The following DLGAP1 variants were observed in gnomAD, a reference collection of about 807,000 sequenced individuals.
DLGAP1 encodes DLG associated protein 1.
A neutral mutation model predicts 90.8 loss-of-function variants in DLGAP1; 11 were observed. The observed-to-expected ratio is 0.12, with a 90% confidence interval of 0.08 to 0.20. The LOEUF (loss-of-function observed/expected upper bound fraction) is 0.20, where lower values mean the gene tolerates loss of function less well. DLGAP1 is among the 10% of genes least tolerant of loss of function. DLGAP1 has a pLI of 1.00. For missense variants in DLGAP1, 1,050 were observed against 1,333.8 expected, an observed-to-expected ratio of 0.79 and a Z score of 3.31; for synonymous variants, 558 against 540.7, an observed-to-expected ratio of 1.03 and a Z score of -0.44.
chr18:3,578,231 A>G (rs1414165423), intron 8 of DLGAP1, among the ~76,000 whole-genome samples: 3 of 152,208 alleles, frequency 2.0e-5, no homozygotes, highest in Non-Finnish European at 4.4e-5. Flanking sequence ...TTGGTAAAGG[A>G]TTGGAAACTC....
intron 9 of DLGAP1, among the ~76,000 whole-genome samples, chr18:3,545,728 T>C (rs891839292): frequency 1.3e-5 from 2 of 151,536 alleles, no homozygotes; most frequent in Non-Finnish European, 2.9e-5. Flanking sequence ...CTAAAATAAA[T>C]AAAAATAGAG....
chr18:3,639,336 A>G (rs2058836655), intron 7 of DLGAP1, among the ~76,000 whole-genome samples: 1 of 144,876 alleles, frequency 6.9e-6, no homozygotes, highest in Admixed American at 6.8e-5. Context: ...AGCCTGGGCA[A>G]CAGCGAGACT....
chr18:3,550,350 C>G (rs570623308), intron 9 of DLGAP1, among the ~76,000 whole-genome samples: 1 of 152,244 alleles, frequency 6.6e-6, no homozygotes, highest in Admixed American at 6.5e-5. Context: ...CTCAGCCTCC[C>G]GAGTAGCTGG....
intron 3 of DLGAP1, among the ~76,000 whole-genome samples, chr18:3,886,311 A>G (rs1011909941): frequency 1.3e-5 from 2 of 152,136 alleles, no homozygotes; most frequent in Non-Finnish European, 2.9e-5. Flanking sequence ...AGTCATGTAT[A>G]TATTTCTGGG....
intron 1 of DLGAP1, among the ~76,000 whole-genome samples, chr18:4,415,539 A>G (rs573524661): frequency 3.3e-5 from 5 of 152,332 alleles, no homozygotes; most frequent in African/African-American, 1.2e-4. Context: ...GCCTTTTAAC[A>G]GTAGATTCAG....
Position 3,507,790 on chromosome 18 carries a change from G to C in DLGAP1, c.2571+780C>G, listed in dbSNP as rs1476208703. ...AAGTCTCACTCTGTCCCCCAAACTA[G>C]AGTGCAATGAACCTCAGCTCGCTGC... On this transcript the variant is annotated intron_variant, in intron 11 of 12. Coordinates refer to ENST00000315677, the MANE Select transcript of DLGAP1 (RefSeq NM_004746.4). Among the ~76,000 whole-genome samples the C allele has an allele frequency of 3.5e-5, 4 of 113,976 alleles. No homozygotes were observed. The East Asian group carries it at 9.3e-4, about 26-fold the overall frequency. 74.8% of individuals were successfully genotyped at this position (113,976 alleles called of 152,430 possible).
chr18:4,097,432 C>CT (rs1334413869), intron 2 of DLGAP1, among the ~76,000 whole-genome samples: 5 of 152,258 alleles, frequency 3.3e-5, no homozygotes, highest in Non-Finnish European at 7.3e-5. Flanking sequence ...CCCCACTGTA[C>CT]TTTGTCAAAA....
chr18:3,595,194 T>C (rs2056510468), intron 7 of DLGAP1, among the ~76,000 whole-genome samples: 1 of 152,190 alleles, frequency 6.6e-6, no homozygotes, highest in African/African-American at 2.4e-5. Context: ...GGGCACCCCT[T>C]CTGTCTCCCT....
At chr18:3,991,946 G>C (rs1297298238) in intron 3 of DLGAP1, among the ~76,000 whole-genome samples, 1 of 152,210 alleles carries the variant, frequency 6.6e-6, no homozygotes, top group South Asian at 2.1e-4. Flanking sequence ...ATGACAAATT[G>C]AAGAGATTTT....
intron 1 of DLGAP1, among the ~76,000 whole-genome samples, chr18:4,312,540 C>G (rs1320693438): frequency 6.6e-6 from 1 of 152,116 alleles, no homozygotes; most frequent in Non-Finnish European, 1.5e-5. Flanking sequence ...TGTGAAATGT[C>G]TTTTTGACTG....
At chr18:3,536,177 T>C (rs2052364389) in intron 9 of DLGAP1, among the ~76,000 whole-genome samples, 1 of 147,852 alleles carries the variant, frequency 6.8e-6, no homozygotes, top group Non-Finnish European at 1.5e-5. Context: ...TTTCTTTCTT[T>C]CCTTCCTTCC....
At chr18:3,790,461 G>T (rs1025054963) in intron 5 of DLGAP1, among the ~76,000 whole-genome samples, 1 of 151,576 alleles carries the variant, frequency 6.6e-6, no homozygotes, top group Non-Finnish European at 1.5e-5. Flanking sequence ...TAGAGATGGG[G>T]TCTTGCTATG....
At position 3,499,624 on chromosome 18, in the gene DLGAP1, G is replaced by C. The variant is rs1056418677; in HGVS notation, c.2725-230C>G. On this transcript the variant is annotated intron_variant, in intron 12 of 12. Coordinates refer to ENST00000315677, the MANE Select transcript of DLGAP1 (RefSeq NM_004746.4). The surrounding 1 kb of genome is among the most constrained non-coding windows in gnomAD (Gnocchi z 6.4). ...AGGCCCAGGGTAAGGCTGGGTTGCA[G>C]AACTAGGTCTCTCCAAGGGAAGGAA... 7.9e-5 allele frequency among the ~76,000 whole-genome samples: 12 copies of C among 152,038 alleles called. No individual in the cohort carries two copies. The highest frequency in any genetic ancestry group is 1.6e-4 in the Non-Finnish European group (11 of 67,992).
At chr18:4,448,021 C>A (rs1168830711) in intron 1 of DLGAP1, among the ~76,000 whole-genome samples, 1 of 152,184 alleles carries the variant, frequency 6.6e-6, no homozygotes, top group Non-Finnish European at 1.5e-5. Flanking sequence ...GAGGAGAGAA[C>A]CATCTTCTGG....
At chr18:4,205,012 G>A (rs1012314867) in intron 1 of DLGAP1, among the ~76,000 whole-genome samples, 1 of 152,012 alleles carries the variant, frequency 6.6e-6, no homozygotes, top group African/African-American at 2.4e-5. Flanking sequence ...ATTGCTTAAG[G>A]GGAAAATTAA....
chr18:3,774,840 T>C (rs1322965468), intron 5 of DLGAP1, among the ~76,000 whole-genome samples: 2 of 152,040 alleles, frequency 1.3e-5, no homozygotes, highest in Non-Finnish European at 2.9e-5. Flanking sequence ...TCTGAAGACA[T>C]AGAGTGAAGT....
At chr18:3,538,597 T>G (rs2052516283) in intron 9 of DLGAP1, among the ~76,000 whole-genome samples, 1 of 152,218 alleles carries the variant, frequency 6.6e-6, no homozygotes, top group Non-Finnish European at 1.5e-5. Context: ...TCTCTCCAGC[T>G]GCATATGTGT....
intron 7 of DLGAP1, chr18:3,603,301 A>T (rs536080546): frequency 2.0e-5 from 3 of 152,220 alleles, no homozygotes; most frequent in African/African-American, 7.2e-5. Context: ...AATTATAGTA[A>T]ACTGAAATTG....
At chr18:4,380,732 C>T (rs536327095) in intron 1 of DLGAP1, among the ~76,000 whole-genome samples, 7 of 152,308 alleles carry the variant, frequency 4.6e-5, no homozygotes, top group South Asian at 2.1e-4. Context: ...TCTTAACTCT[C>T]GGCTTGTATA....
Sources: gnomAD v4.1 joint callset for allele counts (sites outside exome capture counted in the v4.1 genomes callset) on GRCh38, gnomAD v4.1.1 for gene constraint, Gnocchi (gnomAD v3.1) non-coding constraint, MANE v1.5 for transcripts, NCBI Gene and HGNC (gene_info 2026-07-23, HGNC 2026-07-21) for gene names.